Variants in TSPEAR observed in about 807,000 individuals in gnomAD.
TSPEAR encodes the protein thrombospondin type laminin G domain and EAR repeats, also known as thrombospondin-type laminin G domain and EAR repeat-containing protein.
A neutral mutation model predicts 71.6 loss-of-function variants in TSPEAR; 69 were observed. The ratio of observed to expected loss-of-function variants is 0.96; its 90% CI spans 0.79 to 1.18. The LOEUF (loss-of-function observed/expected upper bound fraction) is 1.18, where lower values mean the gene tolerates loss of function less well. Ranked by LOEUF, TSPEAR falls within the 50% of genes most tolerant of loss-of-function variation. The pLI is 0.00. For missense variants in TSPEAR, 971 were observed against 894.9 expected (o/e 1.09, Z -1.09); for synonymous variants, 402 against 387.2 (o/e 1.04, Z -0.45).
chr21:44,643,165 G>T (rs1984114612), intron 1 of TSPEAR, among the ~76,000 whole-genome samples: 1 of 152,190 alleles, frequency 6.6e-6, no homozygotes, highest in Admixed American at 6.5e-5. Flanking sequence ...GGCACAGAAA[G>T]ACAAATACTG....
At chr21:44,535,573 G>A (rs782734030) in intron 2 of TSPEAR, among the ~76,000 whole-genome samples, 3 of 152,276 alleles carry the variant, frequency 2.0e-5, no homozygotes, top group Middle Eastern at 3.4e-3. Context: ...TTAGAAACAC[G>A]AATACACTGT....
intron 1 of TSPEAR, chr21:44,675,915 A>G (rs1235523927): frequency 3.9e-6 from 3 of 774,934 alleles, no homozygotes; most frequent in African/African-American, 3.4e-5. Context: ...GCGCTGGCAT[A>G]TGCTGTCAGG....
chr21:44,572,694 C>A lies in TSPEAR; in HGVS notation c.83-4689G>T, dbSNP rs1555922742. The stretch of plus-strand genomic sequence containing the variant: ...ATTGAATTGTGTCCCTCAAAAGGTG[C>A]CGAAGTCCTGACCGCTGGTACATGT... On this transcript the variant is annotated intron_variant, in intron 1 of 11. Coordinates refer to ENST00000323084, the MANE Select transcript of TSPEAR (RefSeq NM_144991.3). 3.9e-5 allele frequency among the ~76,000 whole-genome samples: 6 copies of A among 151,972 alleles called. No individual in the cohort carries two copies. In the South Asian group the frequency reaches 6.3e-4, roughly 16 times the overall value.
Position 44,612,251 on chromosome 21 carries a change from T to C in TSPEAR, c.83-44246A>G, listed in dbSNP as rs782749880. ...GGTGGACAATTGCCAGGAAAGCTGC[T>C]GCGAGCCCCGCTCCTGTGCCTCCAG... On this transcript the variant is annotated intron_variant, in intron 1 of 11. Coordinates refer to ENST00000323084, the MANE Select transcript of TSPEAR (RefSeq NM_144991.3). This position sits in a 1 kb window ranked among gnomAD's most constrained non-coding sequence, Gnocchi z 4.1. 4 of 1,613,672 alleles carry C rather than the reference T, an allele frequency of 2.5e-6. No homozygotes were observed. The highest frequency in any genetic ancestry group is 3.4e-6 in the Non-Finnish European group (4 of 1,179,996).
intron 1 of TSPEAR, among the ~76,000 whole-genome samples, chr21:44,586,998 TCAC>T (rs2146112792): frequency 1.3e-5 from 2 of 152,266 alleles, no homozygotes; most frequent in South Asian, 4.2e-4. Flanking sequence ...ATGCCCATTC[TCAC>T]CACTTCTCTT....
chr21:44,499,077 G>GA lies in TSPEAR; in HGVS notation c.*705dup, dbSNP rs1190041729. ...TGTGATTAAAATGCTGCTGAATAGG[G>GA]AAAAAATCCCGGGCCCAGAAGTTGA... On this transcript the variant is annotated 3_prime_UTR_variant, in exon 12 of 12. Coordinates refer to ENST00000323084, the MANE Select transcript of TSPEAR (RefSeq NM_144991.3). The GA allele has an allele frequency of 6.6e-6, 1 of 152,256 alleles. No individual in the cohort carries two copies. Among genetic ancestry groups the GA allele is most frequent in the East Asian group, 1.9e-4 (1 of 5,204 alleles). 9.4% of individuals were successfully genotyped at this position (152,256 alleles called of 1,614,324 possible).
rs368247742 is a variant in TSPEAR at position 44,601,235 on chromosome 21, C to T, written c.83-33230G>A. The T allele has an allele frequency of 7.9e-5, 126 of 1,602,902 alleles. No homozygotes were observed. In the South Asian group the frequency reaches 1.0e-3, roughly 13 times the overall value. ...CAATCAGGCTGCATCAGCTCCTGCACGCCCTCGTGCTGCCAGCAGTCTAGC... is the reference window on the plus strand; with the variant it reads ...CAATCAGGCTGCATCAGCTCCTGCATGCCCTCGTGCTGCCAGCAGTCTAGC... On this transcript the variant is annotated intron_variant, in intron 1 of 11. Transcript: ENST00000323084.
intron 1 of TSPEAR, among the ~76,000 whole-genome samples, chr21:44,688,128 T>C (rs540277712): frequency 6.6e-6 from 1 of 152,290 alleles, no homozygotes; most frequent in South Asian, 2.1e-4. Context: ...AGTAAATGTT[T>C]TCATAAAAAA....
chr21:44,702,477 C>T (rs782025090), intron 1 of TSPEAR: 38 of 1,608,908 alleles, frequency 2.4e-5, no homozygotes, highest in African/African-American at 1.9e-4. Context: ...GCTGTGTGCC[C>T]GTCTGCTGCA....
chr21:44,576,098 T>C (rs1978424416), intron 1 of TSPEAR, among the ~76,000 whole-genome samples: 1 of 152,206 alleles, frequency 6.6e-6, no homozygotes, highest in South Asian at 2.1e-4. Flanking sequence ...ACTATTCCAA[T>C]GGTTATAAAA....
intron 2 of TSPEAR, among the ~76,000 whole-genome samples, chr21:44,535,552 C>A (rs949138425): frequency 6.6e-6 from 1 of 152,190 alleles, no homozygotes; most frequent in Non-Finnish European, 1.5e-5. Context: ...TTTACTGTAT[C>A]GTGTCTGTGT....
chr21:44,535,090 T>C (rs1186591669), intron 2 of TSPEAR, among the ~76,000 whole-genome samples: 1 of 152,126 alleles, frequency 6.6e-6, no homozygotes, highest in Non-Finnish European at 1.5e-5. Context: ...GGGGAGTAAG[T>C]GTTTAATGGG....
chr21:44,593,960 C>T lies in TSPEAR; in HGVS notation c.83-25955G>A, dbSNP rs1257721892. Among the ~76,000 whole-genome samples, 1 of 152,204 alleles carries T rather than the reference C, an allele frequency of 6.6e-6. No homozygotes were observed. Among genetic ancestry groups the T allele is most frequent in the Non-Finnish European group, 1.5e-5 (1 of 68,030 alleles). The stretch of plus-strand genomic sequence containing the variant: ...AGGAACCTCCTCCTGATAAGGGACC[C>T]CCAACCATGGACTGGCTCCAGCCGG... On this transcript the variant is annotated intron_variant, in intron 1 of 11. Coordinates refer to ENST00000323084, the MANE Select transcript of TSPEAR (RefSeq NM_144991.3). The surrounding 1 kb of genome is among the most constrained non-coding windows in gnomAD (Gnocchi z 5.9).
chr21:44,637,729 C>T, intron 1 of TSPEAR: 1 of 1,218,068 alleles, frequency 8.2e-7, no homozygotes, highest in African/African-American at 1.8e-5. Flanking sequence ...TGCCCGTCTG[C>T]TGCGTGCCCG....
At chr21:44,576,468 G>C (rs1397006965) in intron 1 of TSPEAR, among the ~76,000 whole-genome samples, 5 of 151,274 alleles carry the variant, frequency 3.3e-5, no homozygotes, top group Non-Finnish European at 5.9e-5. Context: ...GGGTGAGGGG[G>C]CAAACCTCAT....
At chr21:44,517,418 G>T (rs1555913598) in intron 9 of TSPEAR, 2 of 228,824 alleles carry the variant, frequency 8.7e-6, no homozygotes, top group African/African-American at 4.6e-5. Flanking sequence ...ACAGGGACAA[G>T]CTGGGTCATG....
At chr21:44,590,747 A>T (rs1249045111) in intron 1 of TSPEAR, among the ~76,000 whole-genome samples, 1 of 151,532 alleles carries the variant, frequency 6.6e-6, no homozygotes, top group Non-Finnish European at 1.5e-5. Flanking sequence ...TGAGCTGGGG[A>T]GGGTGAATGT....
intron 1 of TSPEAR, among the ~76,000 whole-genome samples, chr21:44,701,825 C>T (rs1987661985): frequency 6.6e-6 from 1 of 151,720 alleles, no homozygotes; most frequent in South Asian, 2.1e-4. Context: ...CTGTAGTGGT[C>T]CCCGTCCCGG....
At chr21:44,567,366 A>C (rs1555921869) in intron 2 of TSPEAR, among the ~76,000 whole-genome samples, 1 of 152,200 alleles carries the variant, frequency 6.6e-6, no homozygotes, top group African/African-American at 2.4e-5. Context: ...ACAGAGACAA[A>C]CATTACTGTC....
Sources: gnomAD v4.1 joint callset for allele counts (sites outside exome capture counted in the v4.1 genomes callset) on GRCh38, gnomAD v4.1.1 for gene constraint, Gnocchi (gnomAD v3.1) non-coding constraint, MANE v1.5 for transcripts, NCBI Gene and HGNC (gene_info 2026-07-23, HGNC 2026-07-21) for gene names.